FSTL5: variants seen among roughly 807,000 people sequenced by gnomAD.
FSTL5 encodes the protein follistatin-related protein 5.
A neutral mutation model predicts 89.1 loss-of-function variants in FSTL5; 62 were observed. That is an observed-to-expected ratio of 0.70 (90% CI 0.57 to 0.86). FSTL5 has a LOEUF of 0.86. Ranked by LOEUF, FSTL5 falls within the 40% of genes least tolerant of loss-of-function variation. The pLI, the probability that FSTL5 is intolerant of heterozygous loss-of-function variation, is 0.00. For missense variants in FSTL5, 1,057 were observed against 1,001.6 expected (o/e 1.06, Z -0.75); for synonymous variants, 383 against 346.2 (o/e 1.11, Z -1.18).
chr4:161,732,937 C>CT (rs914937942), intron 6 of FSTL5, among the ~76,000 whole-genome samples: 23 of 145,216 alleles, frequency 1.6e-4, no homozygotes, highest in East Asian at 4.1e-4. Context: ...TTCAGCTTTT[C>CT]TTTTTTTTTT....
intron 6 of FSTL5, among the ~76,000 whole-genome samples, chr4:161,698,170 C>T (rs984870504): frequency 6.6e-6 from 1 of 152,152 alleles, no homozygotes; most frequent in African/African-American, 2.4e-5. Context: ...GAGGACACAG[C>T]AAGAAGATGG....
In FSTL5 at chr4:161,920,681, G is replaced by A. The variant is rs201050351; in HGVS notation, c.161-29C>T. ...AAGAATTAAAAAAAAATTGAAAATC[G>A]TTTGGTTCATTTGTCCAAATAATAT... On this transcript the variant is annotated intron_variant, in intron 3 of 15. Coordinates refer to ENST00000306100, the MANE Select transcript of FSTL5 (RefSeq NM_020116.5). 3.5e-4 allele frequency: 557 copies of A among 1,585,868 alleles called. 3 individuals are homozygous for A. The highest frequency in any genetic ancestry group is 1.8e-4 in the Admixed American group (10 of 55,534).
intron 7 of FSTL5, among the ~76,000 whole-genome samples, chr4:161,609,807 A>G (rs1435685431): frequency 2.0e-5 from 3 of 152,100 alleles, no homozygotes; most frequent in East Asian, 3.9e-4. Context: ...AATGCTGCCT[A>G]CAGTAAACAA....
chr4:161,507,171 A>G (rs1730510365), intron 11 of FSTL5, among the ~76,000 whole-genome samples: 1 of 152,036 alleles, frequency 6.6e-6, no homozygotes, highest in Admixed American at 6.6e-5. Context: ...TAAAATTTAT[A>G]TAAATCCTTC....
At chr4:161,946,847 T>C (rs1196823836) in intron 3 of FSTL5, among the ~76,000 whole-genome samples, 1 of 152,168 alleles carries the variant, frequency 6.6e-6, no homozygotes, top group Non-Finnish European at 1.5e-5. Flanking sequence ...GCTTATTATA[T>C]TACACTCCCA....
chr4:161,428,614 C>T (rs569264576), intron 15 of FSTL5, among the ~76,000 whole-genome samples: 10 of 152,268 alleles, frequency 6.6e-5, no homozygotes, highest in African/African-American at 2.2e-4. Context: ...TCTAGACACA[C>T]CCTGGGCCAG....
intron 8 of FSTL5, among the ~76,000 whole-genome samples, chr4:161,548,281 G>A (rs1415146885): frequency 1.3e-5 from 2 of 151,754 alleles, no homozygotes; most frequent in Non-Finnish European, 2.9e-5. Flanking sequence ...AAACTGTTAG[G>A]TTGACACAGA....
chr4:162,084,961 AC>A (rs1730252061), intron 2 of FSTL5, among the ~76,000 whole-genome samples: 1 of 152,100 alleles, frequency 6.6e-6, no homozygotes, highest in South Asian at 2.1e-4. Flanking sequence ...AAGGTAAATT[AC>A]TAAACCATAT....
Position 162,066,298 on chromosome 4 carries a change from T to TTTTCTTCTTCTTCTTCTTCTTC in FSTL5, c.127-32662_127-32641dup, listed in dbSNP as rs1553996253. ...TTCCTCCTCCTCCTCCTCCTCCTACTTTTCTTCTTCTTCTTCTTCTTCTTC... is the reference window on the plus strand; with the variant it reads ...TTCCTCCTCCTCCTCCTCCTCCTACTTTTCTTCTTCTTCTTCTTCTTCTTTCTTCTTCTTCTTCTTCTTCTTC... On this transcript the variant is annotated intron_variant, in intron 2 of 15. Transcript: ENST00000306100. 1.4e-3 allele frequency among the ~76,000 whole-genome samples: 125 copies of TTTTCTTCTTCTTCTTCTTCTTC among 88,666 alleles called. 7 individuals carry two copies. Among genetic ancestry groups the TTTTCTTCTTCTTCTTCTTCTTC allele is most frequent in the South Asian group, 3.2e-3 (7 of 2,222 alleles). 58.2% of individuals were successfully genotyped at this position (88,666 alleles called of 152,430 possible). A position where few individuals can be genotyped will look rare whatever the true frequency, so the allele number is the denominator to read the frequency against.
intron 8 of FSTL5, among the ~76,000 whole-genome samples, chr4:161,580,472 A>G (rs11100376): frequency 0.53 from 80,523 of 152,026 alleles, 21,858 homozygotes; most frequent in Middle Eastern, 0.62. Context: ...GGACAAGTGT[A>G]AAAATGGGAA....
intron 4 of FSTL5, among the ~76,000 whole-genome samples, chr4:161,874,566 AT>A (rs375519679): frequency 0.012 from 1,629 of 135,672 alleles, 33 homozygotes; most frequent in African/African-American, 0.042. Context: ...TATATTTTAG[AT>A]TTTTTTTTTT....
chr4:162,081,521 C>G (rs1478368117), intron 2 of FSTL5, among the ~76,000 whole-genome samples: 1 of 151,524 alleles, frequency 6.6e-6, no homozygotes, highest in African/African-American at 2.4e-5. Flanking sequence ...TGTCTTCACC[C>G]TCCAAAGGCC....
intron 6 of FSTL5, among the ~76,000 whole-genome samples, chr4:161,699,248 C>G (rs1047421904): frequency 3.3e-5 from 5 of 152,076 alleles, no homozygotes; most frequent in African/African-American, 1.2e-4. Flanking sequence ...TAAAACTTTT[C>G]ATATTAAATC....
chr4:161,530,500 A>G, intron 10 of FSTL5, among the ~76,000 whole-genome samples: 1 of 103,768 alleles, frequency 9.6e-6, no homozygotes, highest in Non-Finnish European at 2.1e-5. Flanking sequence ...TAAAGTATGA[A>G]CTATCAAAAT....
intron 4 of FSTL5, among the ~76,000 whole-genome samples, chr4:161,783,678 T>C (rs60380001): frequency 0.23 from 2,238 of 9,614 alleles, 444 homozygotes; most frequent in Non-Finnish European, 0.27. Flanking sequence ...TCTTTCTTTC[T>C]CTTTCTTTCT....
intron 2 of FSTL5, among the ~76,000 whole-genome samples, chr4:162,058,988 CAATT>C (rs1738640903): frequency 6.6e-6 from 1 of 151,904 alleles, no homozygotes; most frequent in African/African-American, 2.4e-5. Flanking sequence ...TAGTGTAATT[CAATT>C]AATTCCAAAT....
chr4:161,761,912 A>G (rs1740824220), intron 5 of FSTL5, among the ~76,000 whole-genome samples: 1 of 152,178 alleles, frequency 6.6e-6, no homozygotes, highest in Non-Finnish European at 1.5e-5. Flanking sequence ...CACTTAAAAC[A>G]TGATTCTTAG....
intron 1 of FSTL5, among the ~76,000 whole-genome samples, chr4:162,159,631 G>A (rs549907761): frequency 2.0e-5 from 3 of 152,026 alleles, no homozygotes; most frequent in East Asian, 1.9e-4. Context: ...TATGTTATGC[G>A]CAGGGATATC....
rs147471177 is a variant in FSTL5, at chr4:161,664,084, C to A, written c.728-7590G>T. Among the ~76,000 whole-genome samples the A allele has an allele frequency of 4.5e-4, 68 of 152,318 alleles. 1 individual carries two copies. The East Asian group carries it at 0.012, about 27-fold the overall frequency. The stretch of plus-strand genomic sequence containing the variant: ...GAGTCCCAGGGCCTGGCACAGGAAA[C>A]CACCTGTTCCTCCTGGGCCTCTGGC... On this transcript the variant is annotated intron_variant, in intron 6 of 15. Coordinates refer to ENST00000306100, the MANE Select transcript of FSTL5 (RefSeq NM_020116.5).
Sources: allele counts gnomAD v4.1 joint callset (sites outside exome capture counted in the v4.1 genomes callset), GRCh38; gene constraint gnomAD v4.1.1; transcripts MANE v1.5; gene names NCBI Gene and HGNC (gene_info 2026-07-23, HGNC 2026-07-21).